ADGRL2: variants seen among roughly 807,000 people sequenced by gnomAD.
The protein encoded by ADGRL2 is calcium-independent alpha-latrotoxin receptor 2.
A neutral mutation model predicts 157.4 loss-of-function variants in ADGRL2; 44 were observed. That is an observed-to-expected ratio of 0.28 (90% CI 0.22 to 0.36). The LOEUF is 0.36. ADGRL2 is among the 10% of genes least tolerant of loss of function. The probability of loss-of-function intolerance (pLI) is 1.00; values close to 1 mark genes in which losing one functional copy is unlikely to be tolerated. For missense variants in ADGRL2, 1,510 were observed against 1,768.9 expected (o/e 0.85, Z 2.63); for synonymous variants, 585 against 624.7 (o/e 0.94, Z 0.95).
At chr1:81,342,742 G>A (rs1393454955) in intron 1 of ADGRL2, among the ~76,000 whole-genome samples, 1 of 152,052 alleles carries the variant, frequency 6.6e-6, no homozygotes, top group African/African-American at 2.4e-5. Flanking sequence ...ACAGCATGAT[G>A]AGGTCAATAT....
At chr1:81,736,142 CAA>C (rs71085371) in intron 1 of ADGRL2, among the ~76,000 whole-genome samples, 26 of 92,570 alleles carry the variant, frequency 2.8e-4, no homozygotes, top group Middle Eastern at 5.7e-3. Context: ...GACCCCGTCT[CAA>C]AAAAAAAAAA....
At chr1:81,826,169 TG>T (rs2091465677) in intron 1 of ADGRL2, among the ~76,000 whole-genome samples, 1 of 152,174 alleles carries the variant, frequency 6.6e-6, no homozygotes, top group African/African-American at 2.4e-5. Context: ...CATGCATACA[TG>T]CACATATATA....
At chr1:81,740,408 G>A (rs942595971) in intron 1 of ADGRL2, among the ~76,000 whole-genome samples, 5 of 152,124 alleles carry the variant, frequency 3.3e-5, no homozygotes, top group African/African-American at 4.8e-5. Context: ...TCTTATGTTT[G>A]AGTTCCAAGT....
intron 2 of ADGRL2, among the ~76,000 whole-genome samples, chr1:81,533,378 C>CA (rs372534512): frequency 6.7e-4 from 102 of 151,976 alleles, no homozygotes; most frequent in African/African-American, 2.3e-3. Context: ...GGCTTCATCT[C>CA]AAAAAAACAA....
intron 1 of ADGRL2, among the ~76,000 whole-genome samples, chr1:81,744,491 CTG>C (rs1055465108): frequency 1.3e-5 from 2 of 152,144 alleles, no homozygotes; most frequent in African/African-American, 4.8e-5. Flanking sequence ...ACTACGCCCT[CTG>C]TGTTCTGGAG....
chr1:81,825,822 G>T (rs2091430948), intron 1 of ADGRL2, among the ~76,000 whole-genome samples: 1 of 151,924 alleles, frequency 6.6e-6, no homozygotes, highest in Non-Finnish European at 1.5e-5. Context: ...TTTAGAGTTT[G>T]TTCCAGTTTT....
chr1:81,867,453 A>G (rs867414767), intron 2 of ADGRL2, among the ~76,000 whole-genome samples: 3 of 152,242 alleles, frequency 2.0e-5, no homozygotes, highest in Non-Finnish European at 2.9e-5. Flanking sequence ...GATTTGTATC[A>G]GCAAGTCAGA....
At chr1:81,921,363 A>G (rs1240277211) in intron 3 of ADGRL2, among the ~76,000 whole-genome samples, 9 of 152,212 alleles carry the variant, frequency 5.9e-5, no homozygotes, top group Admixed American at 5.9e-4. Context: ...AACTTCTGCA[A>G]AACGTGTAAA....
intron 1 of ADGRL2, among the ~76,000 whole-genome samples, chr1:81,421,379 G>A (rs1402222465): frequency 1.3e-5 from 2 of 152,160 alleles, no homozygotes; most frequent in East Asian, 3.9e-4. Flanking sequence ...CTAAGGTAGT[G>A]TTTCAAGACT....
intron 2 of ADGRL2, among the ~76,000 whole-genome samples, chr1:81,462,631 C>G (rs945220111): frequency 1.3e-5 from 2 of 152,144 alleles, no homozygotes; most frequent in African/African-American, 4.8e-5. Flanking sequence ...GTTATTGTTA[C>G]TTGGCCCTTG....
rs553542741 is a variant in ADGRL2 at position 81,788,702 on chromosome 1, T to C, written c.-101+26850T>C. Among the ~76,000 whole-genome samples, 5 of 152,226 alleles carry C rather than the reference T, an allele frequency of 3.3e-5. No homozygotes were observed. In the South Asian group the frequency reaches 1.0e-3, roughly 32 times the overall value. ...TGCTGCCAGATCTTTCCATTTTTTC[T>C]TCAGAAGTTGGAAATCCATATTTTT... On this transcript the variant is annotated intron_variant, in intron 2 of 20. Coordinates refer to the ADGRL2 transcript ENST00000359929.
intron 2 of ADGRL2, among the ~76,000 whole-genome samples, chr1:81,484,730 A>G (rs1178425949): frequency 1.3e-5 from 2 of 151,764 alleles, no homozygotes; most frequent in Non-Finnish European, 2.9e-5. Context: ...ATCGTCTTAG[A>G]AGGGCATTCT....
intron 2 of ADGRL2, among the ~76,000 whole-genome samples, chr1:81,479,703 T>C (rs2078346161): frequency 6.6e-6 from 1 of 152,198 alleles, no homozygotes; most frequent in Non-Finnish European, 1.5e-5. Flanking sequence ...TTCCTTTCTC[T>C]TTCTCTCTTT....
At chr1:81,706,905 T>TA (rs1054951671) in intron 1 of ADGRL2, among the ~76,000 whole-genome samples, 2 of 152,132 alleles carry the variant, frequency 1.3e-5, no homozygotes, top group Non-Finnish European at 2.9e-5. Flanking sequence ...AGAGAAGTCA[T>TA]AAGCTGGGTG....
At chr1:81,814,209 AT>A (rs1346872550) in intron 1 of ADGRL2, among the ~76,000 whole-genome samples, 15 of 151,840 alleles carry the variant, frequency 9.9e-5, no homozygotes, top group Middle Eastern at 3.4e-3. Flanking sequence ...TAATAAAAAA[AT>A]ACGAATTTAT....
intron 2 of ADGRL2, among the ~76,000 whole-genome samples, chr1:81,877,990 A>G (rs918596475): frequency 6.6e-6 from 1 of 152,188 alleles, no homozygotes; most frequent in Middle Eastern, 3.2e-3. Flanking sequence ...AATGTTTATT[A>G]TAAAAATCCA....
intron 1 of ADGRL2, among the ~76,000 whole-genome samples, chr1:81,731,740 A>G (rs1377009756): frequency 3.3e-5 from 5 of 152,292 alleles, no homozygotes; most frequent in African/African-American, 9.6e-5. Context: ...CTGTTGACTA[A>G]GCAACTAACA....
At chr1:81,528,801 G>T (rs1291347658) in intron 2 of ADGRL2, among the ~76,000 whole-genome samples, 1 of 152,168 alleles carries the variant, frequency 6.6e-6, no homozygotes, top group Non-Finnish European at 1.5e-5. Flanking sequence ...TTCATTGTTG[G>T]CTGATGCAGA....
At chr1:81,839,874 T>TATATATATATTTTCCATC (rs1215631058) in intron 2 of ADGRL2, among the ~76,000 whole-genome samples, 134 of 109,610 alleles carry the variant, frequency 1.2e-3, no homozygotes, top group South Asian at 4.6e-3. Flanking sequence ...TTTTCCATCA[T>TATATATATATTTTCCATC]ATATATATAT....
Sources: allele counts gnomAD v4.1 joint callset (sites outside exome capture counted in the v4.1 genomes callset), GRCh38; gene constraint gnomAD v4.1.1; transcripts MANE v1.5; gene names NCBI Gene and HGNC (gene_info 2026-07-23, HGNC 2026-07-21).